The following ADAMTSL1 variants were observed in gnomAD, a reference collection of about 807,000 sequenced individuals.
The protein encoded by ADAMTSL1 is ADAMTS-like protein 1.
ADAMTSL1 carries 126 observed loss-of-function variants against 201.8 expected under a neutral mutation model. That is an observed-to-expected ratio of 0.62 (90% CI 0.54 to 0.72). The LOEUF is 0.72. Among genes scored for constraint, ADAMTSL1 ranks in the 30% least tolerant of loss-of-function variants. The probability of loss-of-function intolerance (pLI) is 0.00; values close to 1 mark genes in which losing one functional copy is unlikely to be tolerated. For synonymous variants in ADAMTSL1, 1,121 were observed against 903.4 expected (o/e 1.24, Z -4.32); for missense variants, 2,679 against 2,277.8 (o/e 1.18, Z -3.59).
chr9:18,431,983 A>G (rs1308948606), intron 2 of ADAMTSL1, among the ~76,000 whole-genome samples: 1 of 152,218 alleles, frequency 6.6e-6, no homozygotes, highest in African/African-American at 2.4e-5. Flanking sequence ...CTGAAAGCCC[A>G]TAGCATTTTC....
intron 15 of ADAMTSL1, among the ~76,000 whole-genome samples, chr9:18,725,619 T>C (rs560198189): frequency 7.9e-5 from 12 of 152,338 alleles, no homozygotes; most frequent in Non-Finnish European, 1.6e-4. Context: ...AAGGAGGTTT[T>C]CTGTGTTATA....
intron 23 of ADAMTSL1, among the ~76,000 whole-genome samples, chr9:18,849,230 G>C (rs531263616): frequency 2.6e-5 from 4 of 152,130 alleles, no homozygotes; most frequent in Non-Finnish European, 5.9e-5. Context: ...GACTTGGAAG[G>C]CCTCTTGAAT....
chr9:17,922,195 G>A (rs1284076122), intron 1 of ADAMTSL1, among the ~76,000 whole-genome samples: 1 of 151,902 alleles, frequency 6.6e-6, no homozygotes, highest in Non-Finnish European at 1.5e-5. Flanking sequence ...TTTGCACTGG[G>A]ATGATCTCTA....
At chr9:17,934,129 C>T (rs1826908361) in intron 1 of ADAMTSL1, among the ~76,000 whole-genome samples, 1 of 152,160 alleles carries the variant, frequency 6.6e-6, no homozygotes, top group Non-Finnish European at 1.5e-5. Context: ...AAGGCACTAT[C>T]ACCATTGAAA....
intron 1 of ADAMTSL1, among the ~76,000 whole-genome samples, chr9:17,981,871 G>C (rs757400573): frequency 3.3e-5 from 5 of 152,162 alleles, no homozygotes; most frequent in Non-Finnish European, 7.3e-5. Context: ...CTTGTCACTA[G>C]GATATAGCTA....
At chr9:18,378,851 G>T (rs866432813) in intron 2 of ADAMTSL1, among the ~76,000 whole-genome samples, 8 of 152,146 alleles carry the variant, frequency 5.3e-5, no homozygotes, top group African/African-American at 1.4e-4. Flanking sequence ...CATTACAAAG[G>T]TTAATGGGAT....
intron 2 of ADAMTSL1, among the ~76,000 whole-genome samples, chr9:18,268,235 T>C (rs1358793896): frequency 6.6e-6 from 1 of 152,198 alleles, no homozygotes; most frequent in Non-Finnish European, 1.5e-5. Context: ...ATATCAAAAA[T>C]AGTTTGAGGT....
At position 18,688,815 on chromosome 9, in the gene ADAMTSL1, C is replaced by T. The variant is rs531659476; in HGVS notation, c.1574+4015C>T. Among the ~76,000 whole-genome samples, 14 of 149,434 alleles carry T rather than the reference C, an allele frequency of 9.4e-5. No homozygotes were observed. The South Asian group carries it at 3.0e-3, about 32-fold the overall frequency. ...ATGGAGTTGCCTGGTTCAAATGCCT[C>T]TGACTGTTGAGGTAGACTTCTACAA... On this transcript the variant is annotated intron_variant, in intron 13 of 28. Coordinates refer to ENST00000380548, the MANE Select transcript of ADAMTSL1 (RefSeq NM_001040272.6).
chr9:18,782,328 T>TA (rs1821442682), intron 19 of ADAMTSL1, among the ~76,000 whole-genome samples: 1 of 152,186 alleles, frequency 6.6e-6, no homozygotes, highest in Non-Finnish European at 1.5e-5. Context: ...AATATTGTGA[T>TA]AAATGAAACT....
chr9:18,236,862 T>C (rs145274402), intron 2 of ADAMTSL1, among the ~76,000 whole-genome samples: 13 of 152,336 alleles, frequency 8.5e-5, no homozygotes, highest in African/African-American at 2.9e-4. Flanking sequence ...ATAAATGTCT[T>C]ATCTTAAAGA....
At chr9:18,169,411 G>C (rs568785740) in intron 2 of ADAMTSL1, among the ~76,000 whole-genome samples, 1 of 151,998 alleles carries the variant, frequency 6.6e-6, no homozygotes, top group African/African-American at 2.4e-5. Flanking sequence ...GTTTTTGTCA[G>C]GTTTGCCAAA....
intron 1 of ADAMTSL1, among the ~76,000 whole-genome samples, chr9:18,084,384 C>T (rs528400559): frequency 5.3e-5 from 8 of 151,844 alleles, no homozygotes; most frequent in South Asian, 2.1e-4. Flanking sequence ...TAGCTGGGCG[C>T]GGTGGTGTGC....
Position 18,876,381 on chromosome 9 carries a change from T to G in ADAMTSL1, c.4250-11450T>G, listed in dbSNP as rs185001114. 6.3e-4 allele frequency among the ~76,000 whole-genome samples: 95 copies of G among 151,710 alleles called. 1 individual carries two copies. In the East Asian group the frequency reaches 0.015, roughly 24 times the overall value. On this transcript the variant is annotated intron_variant, in intron 23 of 28. Coordinates refer to ENST00000380548, the MANE Select transcript of ADAMTSL1 (RefSeq NM_001040272.6). The stretch of plus-strand genomic sequence containing the variant: ...GATTTATGCTTTACAAAGTTCTATT[T>G]TGGTGTATTTTGAGGATTTGTTTCA...
intron 2 of ADAMTSL1, among the ~76,000 whole-genome samples, chr9:18,332,706 A>G (rs1386817622): frequency 6.6e-6 from 1 of 152,238 alleles, no homozygotes; most frequent in Non-Finnish European, 1.5e-5. Context: ...TTATGGTTAT[A>G]AGTTAAGTTA....
chr9:18,801,056 G>A (rs979127380), intron 20 of ADAMTSL1, among the ~76,000 whole-genome samples: 1 of 152,216 alleles, frequency 6.6e-6, no homozygotes, highest in Admixed American at 6.5e-5. Flanking sequence ...GCCTGGGAAT[G>A]TCTGGGAAAA....
At chr9:18,136,954 T>C (rs551712441) in intron 1 of ADAMTSL1, among the ~76,000 whole-genome samples, 1 of 152,180 alleles carries the variant, frequency 6.6e-6, no homozygotes, top group African/African-American at 2.4e-5. Context: ...ATAGTTAAGG[T>C]GAAACAGGAC....
chr9:18,019,303 T>G (rs1341374277), intron 1 of ADAMTSL1, among the ~76,000 whole-genome samples: 1 of 152,036 alleles, frequency 6.6e-6, no homozygotes, highest in Non-Finnish European at 1.5e-5. Context: ...AGTCAGGACT[T>G]GGTTGTTTTC....
intron 3 of ADAMTSL1, among the ~76,000 whole-genome samples, chr9:18,556,189 A>G (rs1821099705): frequency 6.6e-6 from 1 of 151,878 alleles, no homozygotes; most frequent in Non-Finnish European, 1.5e-5. Flanking sequence ...GTAATTGTCC[A>G]CTTTTCAATT....
At chr9:18,723,132 G>A (rs376724345) in intron 15 of ADAMTSL1, 3 of 747,178 alleles carry the variant, frequency 4.0e-6, no homozygotes, top group South Asian at 1.4e-5. Context: ...CGAGGTGTCT[G>A]CCCTTTATGT....
Sources: gnomAD v4.1 joint callset for allele counts (sites outside exome capture counted in the v4.1 genomes callset) on GRCh38, gnomAD v4.1.1 for gene constraint, MANE v1.5 for transcripts, NCBI Gene and HGNC (gene_info 2026-07-23, HGNC 2026-07-21) for gene names.